Variants in CAMKMT observed in about 807,000 individuals in gnomAD.
CAMKMT encodes CaM KMT.
In CAMKMT, 53 loss-of-function variants were observed where a neutral mutation model predicts 48.0. That is an observed-to-expected ratio of 1.10 (90% confidence interval 0.89 to 1.39). The LOEUF (loss-of-function observed/expected upper bound fraction) is 1.39. CAMKMT is among the 40% of genes most tolerant of loss of function. CAMKMT has a pLI of 0.00. For synonymous variants in CAMKMT, 165 were observed against 152.3 expected, an observed-to-expected ratio of 1.08 and a Z score of -0.61; for missense variants, 428 against 402.7, an observed-to-expected ratio of 1.06 and a Z score of -0.54.
chr2:44,442,561 C>G (rs1050327749), intron 3 of CAMKMT, among the ~76,000 whole-genome samples: 8 of 152,140 alleles, frequency 5.3e-5, no homozygotes, highest in African/African-American at 1.9e-4. Flanking sequence ...CAGGTCAAAC[C>G]TTTTGATGAC....
At chr2:44,658,450 AGCTGACTCTGCACAGTTGCAT>A (rs1455815775) in intron 3 of CAMKMT, among the ~76,000 whole-genome samples, 1 of 152,192 alleles carries the variant, frequency 6.6e-6, no homozygotes, top group African/African-American at 2.4e-5. Flanking sequence ...TGGAGAGTAG[AGCTGACTCTGCACAGTTGCAT>A]GCTGACCCTC....
In CAMKMT at chr2:44,653,187, C is replaced by T. The variant is rs538153843; in HGVS notation, c.377-51096C>T. ...TTTTTATTATTTCTCACTTCACTAG[C>T]TCGTGAGCTCCTTTAAAGCAAGGGA... On this transcript the variant is annotated intron_variant, in intron 3 of 10. Coordinates refer to ENST00000378494, the MANE Select transcript of CAMKMT (RefSeq NM_024766.5). The surrounding 1 kb of genome is among the most constrained non-coding windows in gnomAD (Gnocchi z 5.2). Among the ~76,000 whole-genome samples the T allele has an allele frequency of 6.6e-6, 1 of 152,098 alleles. No homozygotes were observed. The highest frequency in any genetic ancestry group is 1.5e-5 in the Non-Finnish European group (1 of 68,022).
At chr2:44,366,097 A>G (rs1678560252) in intron 1 of CAMKMT, among the ~76,000 whole-genome samples, 2 of 152,202 alleles carry the variant, frequency 1.3e-5, no homozygotes, top group East Asian at 1.9e-4. Flanking sequence ...ACTTACCTTT[A>G]TCTTTCTCAA....
intron 3 of CAMKMT, among the ~76,000 whole-genome samples, chr2:44,588,058 G>C (rs1359921321): frequency 1.8e-4 from 25 of 139,984 alleles, no homozygotes; most frequent in African/African-American, 6.6e-4. Context: ...GCCGCCCATC[G>C]TCTGAGATGT....
chr2:44,375,006 T>C (rs1679537608), intron 2 of CAMKMT, among the ~76,000 whole-genome samples: 1 of 152,074 alleles, frequency 6.6e-6, no homozygotes, highest in Non-Finnish European at 1.5e-5. Flanking sequence ...TGGTATGTGC[T>C]TGTAGTCCCA....
chr2:44,587,094 T>G lies in CAMKMT; in HGVS notation c.377-117189T>G, dbSNP rs1410501780. Among the ~76,000 whole-genome samples, 3 of 152,068 alleles carry G rather than the reference T, an allele frequency of 2.0e-5. No homozygotes were observed. The East Asian group carries it at 5.8e-4, about 29-fold the overall frequency. On this transcript the variant is annotated intron_variant, in intron 3 of 10. Coordinates refer to ENST00000378494, the MANE Select transcript of CAMKMT (RefSeq NM_024766.5). ...GTATCTTCTTTGGTTGAGTGTGTAT[T>G]CAGGATTTTTTTTGCCCACTGTTAA...
At chr2:44,632,904 C>T (rs1391209882) in intron 3 of CAMKMT, among the ~76,000 whole-genome samples, 3 of 152,182 alleles carry the variant, frequency 2.0e-5, no homozygotes, top group Non-Finnish European at 4.4e-5. Flanking sequence ...GGCTGGCTCT[C>T]CTTGCTCCTC....
At chr2:44,639,104 T>C (rs1673307859) in intron 3 of CAMKMT, among the ~76,000 whole-genome samples, 1 of 152,222 alleles carries the variant, frequency 6.6e-6, no homozygotes, top group Non-Finnish European at 1.5e-5. Flanking sequence ...ACCAGTTCTT[T>C]AGTATTTAAG....
At chr2:44,696,804 G>A (rs1229967513) in intron 3 of CAMKMT, among the ~76,000 whole-genome samples, 1 of 151,646 alleles carries the variant, frequency 6.6e-6, no homozygotes, top group African/African-American at 2.4e-5. Context: ...ACTTTATAAA[G>A]ATGAGAAAAC....
chr2:44,613,354 C>T (rs544860633), intron 3 of CAMKMT, among the ~76,000 whole-genome samples: 1 of 152,202 alleles, frequency 6.6e-6, no homozygotes, highest in South Asian at 2.1e-4. Context: ...CCTAGATCCT[C>T]CTCCAGAAAC....
At chr2:44,601,877 C>G (rs1342307323) in intron 3 of CAMKMT, among the ~76,000 whole-genome samples, 3 of 151,992 alleles carry the variant, frequency 2.0e-5, no homozygotes, top group African/African-American at 7.3e-5. Flanking sequence ...GATTCCATGT[C>G]TAGAGGTAAT....
chr2:44,405,069 A>G (rs1250920088), intron 3 of CAMKMT, among the ~76,000 whole-genome samples: 1 of 152,102 alleles, frequency 6.6e-6, no homozygotes, highest in Non-Finnish European at 1.5e-5. Context: ...AAAATGAATG[A>G]TAGATACATG....
intron 7 of CAMKMT, among the ~76,000 whole-genome samples, chr2:44,725,075 C>G (rs1379097759): frequency 6.6e-6 from 1 of 151,422 alleles, no homozygotes; most frequent in Non-Finnish European, 1.5e-5. Flanking sequence ...TAGTTCCAGA[C>G]TAGATGAGAA....
rs112661902 is a variant in CAMKMT at position 44,649,919 on chromosome 2, C to T, written c.377-54364C>T. 2.0e-3 allele frequency among the ~76,000 whole-genome samples: 308 copies of T among 152,240 alleles called. No homozygotes were observed. The Middle Eastern group carries it at 0.024, about 12-fold the overall frequency. ...TGTCTCATTAGACAGAATGGTGTCA[C>T]GCAGCCACCATAAGTTGTGAGGGAG... On this transcript the variant is annotated intron_variant, in intron 3 of 10. Transcript: ENST00000378494.
intron 3 of CAMKMT, among the ~76,000 whole-genome samples, chr2:44,436,846 T>C (rs1666293382): frequency 6.6e-6 from 1 of 152,192 alleles, no homozygotes; most frequent in Non-Finnish European, 1.5e-5. Context: ...GGCTTGCAAG[T>C]ATTACATCTT....
chr2:44,708,497 C>A (rs1031100458), intron 6 of CAMKMT, among the ~76,000 whole-genome samples: 1 of 151,998 alleles, frequency 6.6e-6, no homozygotes, highest in African/African-American at 2.4e-5. Flanking sequence ...CCCCACCCAG[C>A]TAATTGCCTG....
At chr2:44,514,302 A>G (rs925573882) in intron 3 of CAMKMT, among the ~76,000 whole-genome samples, 1 of 151,864 alleles carries the variant, frequency 6.6e-6, no homozygotes, top group African/African-American at 2.4e-5. Flanking sequence ...GATGTAGGAA[A>G]AATAACTTCT....
At chr2:44,427,443 G>A (rs1037438241) in intron 3 of CAMKMT, among the ~76,000 whole-genome samples, 1 of 152,032 alleles carries the variant, frequency 6.6e-6, no homozygotes, top group Non-Finnish European at 1.5e-5. Flanking sequence ...TATAAGGAAT[G>A]TAAACAAATC....
chr2:44,419,404 A>G (rs1067381), intron 3 of CAMKMT, among the ~76,000 whole-genome samples: 29,545 of 152,116 alleles, frequency 0.19, 4,598 homozygotes, highest in African/African-American at 0.43. Flanking sequence ...AATCTCAGGT[A>G]TGTATTCTTG....
Sources: gnomAD v4.1 joint callset for allele counts (sites outside exome capture counted in the v4.1 genomes callset) on GRCh38, gnomAD v4.1.1 for gene constraint, Gnocchi (gnomAD v3.1) non-coding constraint, MANE v1.5 for transcripts, NCBI Gene and HGNC (gene_info 2026-07-23, HGNC 2026-07-21) for gene names.